ANKRD6: variants seen among roughly 807,000 people sequenced by gnomAD.
The protein encoded by ANKRD6 is ankyrin repeat domain-containing protein 6.
In ANKRD6, 56 loss-of-function variants were observed where a neutral mutation model predicts 82.3. The ratio of observed to expected loss-of-function variants is 0.68; its 90% CI spans 0.55 to 0.85. ANKRD6 has a LOEUF of 0.85. ANKRD6 is among the 40% of genes least tolerant of loss of function. ANKRD6 has a pLI of 0.00. For missense variants in ANKRD6, 852 were observed against 907.6 expected (o/e 0.94, Z 0.79); for synonymous variants, 347 against 352.1 (o/e 0.99, Z 0.16).
chr6:89,529,244 A>AT (rs1414119724), intron 1 of ANKRD6, among the ~76,000 whole-genome samples: 1 of 152,158 alleles, frequency 6.6e-6, no homozygotes, highest in Non-Finnish European at 1.5e-5. Context: ...TCTTAGCTAG[A>AT]TTTTCTCTTC....
At chr6:89,555,619 T>A (rs1786486471) in intron 1 of ANKRD6, among the ~76,000 whole-genome samples, 1 of 151,898 alleles carries the variant, frequency 6.6e-6, no homozygotes, top group African/African-American at 2.4e-5. Context: ...AAGAAGGAGT[T>A]TGGACAAGAT....
intron 1 of ANKRD6, among the ~76,000 whole-genome samples, chr6:89,536,842 T>G (rs150925791): frequency 3.7e-4 from 57 of 152,240 alleles, no homozygotes; most frequent in Non-Finnish European, 6.2e-4. Flanking sequence ...CTGGAAGTGA[T>G]TATGAGGGGT....
chr6:89,518,842 G>A (rs945341242), intron 1 of ANKRD6, among the ~76,000 whole-genome samples: 1 of 152,192 alleles, frequency 6.6e-6, no homozygotes, highest in African/African-American at 2.4e-5. Flanking sequence ...AGACTGGATG[G>A]CTTAAATGAC....
intron 1 of ANKRD6, chr6:89,508,910 T>G (rs1453840943): frequency 4.6e-5 from 7 of 152,202 alleles, no homozygotes. Context: ...CAAAGACTCC[T>G]CCAACACAGA....
intron 1 of ANKRD6, among the ~76,000 whole-genome samples, chr6:89,548,256 G>A (rs185874521): frequency 6.6e-6 from 1 of 152,090 alleles, no homozygotes; most frequent in Non-Finnish European, 1.5e-5. Flanking sequence ...GCCTATTTTG[G>A]ACATTTCATA....
chr6:89,515,790 A>C, intron 1 of ANKRD6, among the ~76,000 whole-genome samples: 1 of 152,214 alleles, frequency 6.6e-6, no homozygotes. Flanking sequence ...CTAGGGTAGG[A>C]TCTGGAGAGA....
chr6:89,549,913 TA>T (rs199886123), intron 1 of ANKRD6, among the ~76,000 whole-genome samples: 32 of 135,980 alleles, frequency 2.4e-4, no homozygotes, highest in Admixed American at 2.0e-3. Flanking sequence ...TGTGTCTCTT[TA>T]AAAAAAAGAA....
At position 89,463,942 on chromosome 6, in the gene ANKRD6, G is replaced by T. The variant is rs180924035; in HGVS notation, c.-144+30567G>T. On this transcript the variant is annotated intron_variant, in intron 1 of 15. Coordinates refer to ENST00000339746, the MANE Select transcript of ANKRD6 (RefSeq NM_001242809.2). Reference sequence around the variant, plus strand: ...TCATTGAAGGAGCTCATCCTCACTAGTCTCCTTCCTTGTTAGATTCACTCT... The same window carrying T: ...TCATTGAAGGAGCTCATCCTCACTATTCTCCTTCCTTGTTAGATTCACTCT... 2.1e-3 allele frequency among the ~76,000 whole-genome samples: 314 copies of T among 152,306 alleles called. 1 individual carries two copies. The highest frequency in any genetic ancestry group is 6.8e-3 in the Middle Eastern group (2 of 294).
chr6:89,454,979 T>TA (rs1270901116), intron 1 of ANKRD6, among the ~76,000 whole-genome samples: 12 of 152,076 alleles, frequency 7.9e-5, no homozygotes, highest in African/African-American at 2.9e-4. Flanking sequence ...TAGCTGGAAT[T>TA]ACAGGTGTGT....
chr6:89,471,445 G>C (rs1051903392), intron 1 of ANKRD6, among the ~76,000 whole-genome samples: 2 of 151,570 alleles, frequency 1.3e-5, no homozygotes, highest in African/African-American at 4.9e-5. Context: ...TTGAAGCCAC[G>C]AGACTGGATG....
chr6:89,504,721 G>A (rs1779650551), intron 1 of ANKRD6, among the ~76,000 whole-genome samples: 1 of 152,170 alleles, frequency 6.6e-6, no homozygotes. Context: ...CGGTCTTGAA[G>A]TAAAGGAAAC....
rs1331069369 is a variant in ANKRD6, at chr6:89,629,437, GT to G, written c.1612+200del. 4.3e-6 allele frequency: 3 copies of G among 702,464 alleles called. No individual in the cohort carries two copies. In the East Asian group the frequency reaches 9.0e-5, roughly 21 times the overall value. The allele number at this position is 702,464 out of a possible 1,614,324, so 43.5% of individuals were successfully genotyped here. ...ATGTAATAATAAAGCACTCATTTAT[GT>G]GCTCAAACTTATTTGAATAAAGGAA... On this transcript the variant is annotated intron_variant, in intron 15 of 15. Transcript: ENST00000339746.
chr6:89,459,012 G>C (rs1450561784), intron 1 of ANKRD6, among the ~76,000 whole-genome samples: 2 of 152,118 alleles, frequency 1.3e-5, no homozygotes, highest in East Asian at 3.9e-4. Flanking sequence ...GCACACCTGT[G>C]GTATAGGCGC....
At chr6:89,503,726 G>A (rs2127902596) in intron 1 of ANKRD6, among the ~76,000 whole-genome samples, 1 of 152,274 alleles carries the variant, frequency 6.6e-6, no homozygotes, top group South Asian at 2.1e-4. Context: ...TTTAAATAGG[G>A]TAGTCAGAGA....
At chr6:89,568,231 G>C (rs1788994150) in intron 2 of ANKRD6, 1 of 152,148 alleles carries the variant, frequency 6.6e-6, no homozygotes, top group African/African-American at 2.4e-5. Flanking sequence ...TCTGTAGTTA[G>C]GGCACCTGCT....
intron 2 of ANKRD6, among the ~76,000 whole-genome samples, chr6:89,579,586 A>G (rs563970132): frequency 4.6e-5 from 7 of 152,092 alleles, no homozygotes; most frequent in Admixed American, 3.3e-4. Context: ...GTGAAATTCC[A>G]TCTCTACTGA....
chr6:89,455,573 T>C (rs770573798), intron 1 of ANKRD6, among the ~76,000 whole-genome samples: 22 of 152,116 alleles, frequency 1.4e-4, no homozygotes, highest in Non-Finnish European at 2.2e-4. Flanking sequence ...GATTGGATCA[T>C]GGGGGCAGAG....
At chr6:89,577,474 GT>G (rs796255553) in intron 2 of ANKRD6, among the ~76,000 whole-genome samples, 62 of 152,152 alleles carry the variant, frequency 4.1e-4, no homozygotes, top group African/African-American at 1.4e-3. Context: ...AGCTAATTTT[GT>G]TACCTCAGTA....
chr6:89,470,347 A>G (rs1203820654), intron 1 of ANKRD6, among the ~76,000 whole-genome samples: 2 of 152,216 alleles, frequency 1.3e-5, no homozygotes, highest in African/African-American at 4.8e-5. Context: ...GGCCAAGCAC[A>G]GTGGCTCTTG....
Sources: allele counts gnomAD v4.1 joint callset (sites outside exome capture counted in the v4.1 genomes callset), GRCh38; gene constraint gnomAD v4.1.1; transcripts MANE v1.5; gene names NCBI Gene and HGNC (gene_info 2026-07-23, HGNC 2026-07-21).